PLCG2: variants seen among roughly 807,000 people sequenced by gnomAD.
The protein encoded by PLCG2 is phospholipase C gamma 2.
A neutral mutation model predicts 175.6 loss-of-function variants in PLCG2; 69 were observed. The observed-to-expected ratio is 0.39, with a 90% confidence interval of 0.32 to 0.48. PLCG2 has a LOEUF of 0.48. Ranked by LOEUF, PLCG2 falls within the 20% of genes least tolerant of loss-of-function variation. The pLI is 0.91. For synonymous variants in PLCG2, 827 were observed against 624.0 expected (o/e 1.33, Z -4.85); for missense variants, 1,798 against 1,650.9 (o/e 1.09, Z -1.54).
chr16:81,823,499 G>A lies in PLCG2; in HGVS notation c.194-30945G>A, dbSNP rs547283252. 2.6e-5 allele frequency among the ~76,000 whole-genome samples: 4 copies of A among 152,254 alleles called. No homozygotes were observed. The East Asian group carries it at 7.7e-4, about 29-fold the overall frequency. On this transcript the variant is annotated intron_variant, in intron 2 of 32. Coordinates refer to ENST00000564138, the MANE Select transcript of PLCG2 (RefSeq NM_002661.5). Reference sequence around the variant, plus strand: ...CCCTTCCTGTCTAGCTTGGATTTGTGTTGAAGGCTTTAAGATGACTGTTTT... The same window carrying A: ...CCCTTCCTGTCTAGCTTGGATTTGTATTGAAGGCTTTAAGATGACTGTTTT...
At chr16:81,866,814 G>T (rs1567506369) in intron 5 of PLCG2, among the ~76,000 whole-genome samples, 1 of 152,170 alleles carries the variant, frequency 6.6e-6, no homozygotes, top group Non-Finnish European at 1.5e-5. Context: ...GACCCCTCTC[G>T]CTGCCGCTCT....
At chr16:81,879,852 A>G (rs1907992474) in intron 7 of PLCG2, among the ~76,000 whole-genome samples, 1 of 152,210 alleles carries the variant, frequency 6.6e-6, no homozygotes, top group Non-Finnish European at 1.5e-5. Flanking sequence ...GAGCCTCTTC[A>G]TCATGCAACA....
chr16:81,854,499 G>A lies in PLCG2; in HGVS notation c.249G>A (p.Glu83=), dbSNP rs781524782. Residue 83 remains glutamate, a synonymous_variant, in exon 3 of 33, where the codon GAG becomes GAA. Transcript: ENST00000564138. The part of the protein sequence containing the change: ...IRPGKNSKDF[E]RAKAVRQKED... ...CAGGGAAGAACTCCAAAGATTTCGA[G>A]CGAGCAAAAGCAGTTCGCCAGAAAG... The A allele has an allele frequency of 5.0e-6, 8 of 1,614,070 alleles. No homozygotes were observed. Among genetic ancestry groups the A allele is most frequent in the Non-Finnish European group, 6.8e-6 (8 of 1,179,906 alleles).
intron 22 of PLCG2, 144 bp downstream of exon 22, chr16:81,923,738 A>G: frequency 1.8e-6 from 1 of 567,380 alleles, no homozygotes; most frequent in East Asian, 2.8e-5. Flanking sequence ...CCTTCTTAGG[A>G]AGGTGGCTTG....
intron 5 of PLCG2, among the ~76,000 whole-genome samples, chr16:81,865,836 C>G (rs2143514875): frequency 6.8e-6 from 1 of 147,866 alleles, no homozygotes; most frequent in South Asian, 2.2e-4. Flanking sequence ...TGGCCTCTCC[C>G]TTGCTCCCAG....
chr16:81,917,904 G>T (rs990364150), intron 19 of PLCG2, among the ~76,000 whole-genome samples: 3 of 152,118 alleles, frequency 2.0e-5, no homozygotes, highest in African/African-American at 4.8e-5. Flanking sequence ...TGTATTTTTA[G>T]TAGAGACGGG....
At position 81,934,537 on chromosome 16, in the gene PLCG2, A is replaced by T; in HGVS notation, c.2842+6A>T. 2 of 1,555,472 alleles carry T rather than the reference A, an allele frequency of 1.3e-6. No homozygotes were observed. The stretch of plus-strand genomic sequence containing the variant: ...CAAAACCAAGGACAACTTAGGTAAC[A>T]TCTTTCCCAAGAACATGCCCTATAA... On this transcript the variant is annotated splice_donor_region_variant and intron_variant, in intron 26 of 32. Transcript: ENST00000564138.
chr16:81,850,545 A>C (rs145235264), intron 2 of PLCG2, among the ~76,000 whole-genome samples: 93 of 152,290 alleles, frequency 6.1e-4, no homozygotes, highest in African/African-American at 2.1e-3. Context: ...AAGAGGTCCA[A>C]AGAGTTTTCC....
At position 81,827,210 on chromosome 16, in the gene PLCG2, A is replaced by G. The variant is rs1330392873; in HGVS notation, c.194-27234A>G. Among the ~76,000 whole-genome samples the G allele has an allele frequency of 3.5e-5, 5 of 141,518 alleles. No homozygotes were observed. In the East Asian group the frequency reaches 7.8e-4, roughly 22 times the overall value. The allele number at this position is 141,518 out of a possible 152,430, so 92.8% of individuals were successfully genotyped here. ...GCTGGGTTTTTTTTTTTTTGGGGAC[A>G]GGGTCTCACTCTGCCACTGAGGCTG... On this transcript the variant is annotated intron_variant, in intron 2 of 32. Coordinates refer to ENST00000564138, the MANE Select transcript of PLCG2 (RefSeq NM_002661.5).
chr16:81,856,275 A>G (rs1294501555), intron 3 of PLCG2, among the ~76,000 whole-genome samples: 2 of 152,204 alleles, frequency 1.3e-5, no homozygotes, highest in East Asian at 1.9e-4. Flanking sequence ...GAGAGGCTTC[A>G]TAGTTCCATG....
intron 5 of PLCG2, among the ~76,000 whole-genome samples, chr16:81,868,493 C>T (rs28699461): frequency 0.012 from 1,821 of 152,302 alleles, 41 homozygotes; most frequent in African/African-American, 0.038. Context: ...CTGCCAAGCC[C>T]GTCCTGTGGT....
chr16:81,927,064 T>C lies in PLCG2; in HGVS notation c.2418-18T>C, dbSNP rs1910304098. 3.8e-6 allele frequency: 6 copies of C among 1,560,690 alleles called. No individual in the cohort carries two copies. The highest frequency in any genetic ancestry group is 2.7e-5 in the African/African-American group (2 of 73,956). ...GCCACCTGGTGACAGCGCCCCCATG[T>C]CCTCTCTTCTTATCCAGGTGGAAAG... On this transcript the variant is annotated intron_variant, in intron 22 of 32. Transcript: ENST00000564138.
intron 9 of PLCG2, among the ~76,000 whole-genome samples, chr16:81,885,624 CTT>C (rs34271990): frequency 6.7e-6 from 1 of 149,832 alleles, no homozygotes; most frequent in African/African-American, 2.5e-5. Flanking sequence ...ACAGATAGAA[CTT>C]TTTTTTTTAA....
chr16:81,871,329 T>G (rs1287779023), intron 7 of PLCG2, among the ~76,000 whole-genome samples: 1 of 152,220 alleles, frequency 6.6e-6, no homozygotes, highest in East Asian at 1.9e-4. Flanking sequence ...ATATGTTTCT[T>G]CTTTTTACAC....
intron 2 of PLCG2, among the ~76,000 whole-genome samples, chr16:81,852,736 C>G (rs1210683157): frequency 3.3e-5 from 5 of 152,314 alleles, no homozygotes; most frequent in African/African-American, 1.2e-4. Flanking sequence ...ATTTATTGCA[C>G]ATATTTCTAC....
In PLCG2 at chr16:81,958,005, G is replaced by A. The variant is rs757785112; in HGVS notation, c.*7G>A. The A allele has an allele frequency of 6.2e-7, 1 of 1,603,880 alleles. No individual in the cohort carries two copies. The highest frequency in any genetic ancestry group is 8.5e-7 in the Non-Finnish European group (1 of 1,170,694). Reference sequence around the variant, plus strand: ...CAGCAAGTTTTACTCATAGAAGCTGGGGTATGTGTGTAAGGGTATTGTGTG... The same window carrying A: ...CAGCAAGTTTTACTCATAGAAGCTGAGGTATGTGTGTAAGGGTATTGTGTG... On this transcript the variant is annotated 3_prime_UTR_variant, in exon 33 of 33. Coordinates refer to ENST00000564138, the MANE Select transcript of PLCG2 (RefSeq NM_002661.5).
chr16:81,852,479 G>T (rs1245427390), intron 2 of PLCG2, among the ~76,000 whole-genome samples: 4 of 139,716 alleles, frequency 2.9e-5, no homozygotes, highest in African/African-American at 1.0e-4. Flanking sequence ...AGAAGGGACT[G>T]GTTGAGCTTG....
At chr16:81,894,089 G>A (rs1239995560) in intron 12 of PLCG2, among the ~76,000 whole-genome samples, 1 of 151,766 alleles carries the variant, frequency 6.6e-6, no homozygotes, top group Admixed American at 6.6e-5. Context: ...GGTGTGCACA[G>A]GTACCGCGTA....
At chr16:81,904,080 T>G (rs1169315856) in intron 14 of PLCG2, among the ~76,000 whole-genome samples, 1 of 152,152 alleles carries the variant, frequency 6.6e-6, no homozygotes, top group Non-Finnish European at 1.5e-5. Flanking sequence ...TCAGCCAGGG[T>G]CACACATTTA....
Sources: allele counts gnomAD v4.1 joint callset (sites outside exome capture counted in the v4.1 genomes callset), GRCh38; gene constraint gnomAD v4.1.1; transcripts MANE v1.5; gene names NCBI Gene and HGNC (gene_info 2026-07-23, HGNC 2026-07-21).